The following CTIF variants were observed in gnomAD, a reference collection of about 807,000 sequenced individuals.
CTIF encodes the protein cap binding complex dependent translation initiation factor, also known as CBP80/20-dependent translation initiation factor.
A neutral mutation model predicts 66.0 loss-of-function variants in CTIF; 21 were observed. The ratio of observed to expected loss-of-function variants is 0.32; its 90% CI spans 0.23 to 0.46. CTIF has a LOEUF of 0.46. CTIF is among the 20% of genes least tolerant of loss of function. The probability of loss-of-function intolerance (pLI) is 1.00; values close to 1 mark genes in which losing one functional copy is unlikely to be tolerated. For synonymous variants in CTIF, 345 were observed against 326.4 expected, an observed-to-expected ratio of 1.06 and a Z score of -0.62; for missense variants, 739 against 812.7, an observed-to-expected ratio of 0.91 and a Z score of 1.10.
At chr18:48,644,338 C>A (rs571394490) in intron 3 of CTIF, among the ~76,000 whole-genome samples, 1 of 152,296 alleles carries the variant, frequency 6.6e-6, no homozygotes, top group South Asian at 2.1e-4. Flanking sequence ...GTGGAGAGAA[C>A]AGATGCTGAA....
At chr18:48,560,725 T>C (rs1006776410) in intron 1 of CTIF, among the ~76,000 whole-genome samples, 13 of 152,040 alleles carry the variant, frequency 8.6e-5, no homozygotes, top group South Asian at 2.1e-4. Flanking sequence ...CTCACACCAC[T>C]GTACCCCACA....
chr18:48,636,720 T>A (rs375906825), intron 3 of CTIF, 35 bp downstream of exon 3: 13 of 1,490,422 alleles, frequency 8.7e-6, no homozygotes, highest in African/African-American at 1.4e-5. Context: ...TCTGGGGGTG[T>A]CCTATGTCTT....
At chr18:48,576,087 C>T (rs771107218) in intron 1 of CTIF, among the ~76,000 whole-genome samples, 1 of 152,258 alleles carries the variant, frequency 6.6e-6, no homozygotes, top group African/African-American at 2.4e-5. Context: ...CCTCGGGCAG[C>T]GGCGCCTGTG....
At chr18:48,615,386 G>A (rs370885382) in intron 1 of CTIF, among the ~76,000 whole-genome samples, 3 of 152,136 alleles carry the variant, frequency 2.0e-5, no homozygotes, top group African/African-American at 4.8e-5. Context: ...CATGTTCCCC[G>A]CTTTTCTGAA....
At chr18:48,652,827 T>C (rs1040604492) in intron 3 of CTIF, among the ~76,000 whole-genome samples, 3 of 152,126 alleles carry the variant, frequency 2.0e-5, no homozygotes, top group Non-Finnish European at 2.9e-5. Flanking sequence ...GTTCAACATA[T>C]GCAAATCAAT....
At chr18:48,648,489 G>C in intron 3 of CTIF, among the ~76,000 whole-genome samples, 2 of 63,038 alleles carry the variant, frequency 3.2e-5, no homozygotes, top group South Asian at 1.3e-3. Flanking sequence ...ACACACACAC[G>C]CACACACACA....
intron 1 of CTIF, among the ~76,000 whole-genome samples, chr18:48,598,596 T>A (rs1317837406): frequency 1.3e-5 from 2 of 152,142 alleles, no homozygotes; most frequent in African/African-American, 4.8e-5. Context: ...CCTTTGGTAT[T>A]TGCCAGCCAG....
intron 10 of CTIF, among the ~76,000 whole-genome samples, chr18:48,831,892 T>C (rs774703562): frequency 6.6e-6 from 1 of 152,242 alleles, no homozygotes; most frequent in African/African-American, 2.4e-5. Flanking sequence ...CAATTTGGAC[T>C]CAGGCACATT....
chr18:48,823,494 A>G (rs2068524077), intron 10 of CTIF, among the ~76,000 whole-genome samples: 3 of 151,388 alleles, frequency 2.0e-5, no homozygotes, highest in African/African-American at 7.3e-5. Context: ...TTATTTTTCG[A>G]CTCTCTATTT....
At chr18:48,812,001 C>G (rs143876251) in intron 9 of CTIF, among the ~76,000 whole-genome samples, 120 of 152,314 alleles carry the variant, frequency 7.9e-4, no homozygotes, top group Non-Finnish European at 1.4e-3. Flanking sequence ...CTCACTCTGT[C>G]CCCCAGGCTG....
intron 3 of CTIF, among the ~76,000 whole-genome samples, chr18:48,659,244 G>A (rs1453947138): frequency 6.6e-6 from 1 of 152,128 alleles, no homozygotes; most frequent in East Asian, 1.9e-4. Context: ...TGTGTCCAAG[G>A]TGTTGCCCTA....
chr18:48,825,361 G>A (rs2068562803), intron 10 of CTIF, among the ~76,000 whole-genome samples: 1 of 152,210 alleles, frequency 6.6e-6, no homozygotes, highest in Admixed American at 6.5e-5. Flanking sequence ...TGCGCTCCTA[G>A]AGGAGGTGGG....
chr18:48,813,256 C>T (rs935268279), intron 9 of CTIF, among the ~76,000 whole-genome samples: 4 of 152,208 alleles, frequency 2.6e-5, no homozygotes, highest in Non-Finnish European at 4.4e-5. Flanking sequence ...TCCCTTCCTT[C>T]GAATGCCTAT....
intron 7 of CTIF, among the ~76,000 whole-genome samples, chr18:48,729,838 G>A (rs538229202): frequency 2.0e-5 from 3 of 152,240 alleles, no homozygotes; most frequent in Non-Finnish European, 4.4e-5. Flanking sequence ...TATTTTGGCA[G>A]GCATGAGGAA....
intron 7 of CTIF, among the ~76,000 whole-genome samples, chr18:48,745,172 T>A (rs1342495267): frequency 6.6e-6 from 1 of 152,214 alleles, no homozygotes; most frequent in Non-Finnish European, 1.5e-5. Flanking sequence ...GGCCTTTTTT[T>A]AAAGAGTGAC....
intron 1 of CTIF, among the ~76,000 whole-genome samples, chr18:48,557,129 C>G (rs887119277): frequency 6.6e-6 from 1 of 151,832 alleles, no homozygotes; most frequent in Non-Finnish European, 1.5e-5. Context: ...GATGGGATTG[C>G]AGAGGAGGGG....
intron 1 of CTIF, among the ~76,000 whole-genome samples, chr18:48,613,158 A>G (rs1190367191): frequency 6.6e-6 from 1 of 152,122 alleles, no homozygotes; most frequent in Non-Finnish European, 1.5e-5. Flanking sequence ...GATTGGCTAA[A>G]TTGATAGCTC....
chr18:48,619,696 A>C lies in CTIF; in HGVS notation c.131A>C (p.Lys44Thr), dbSNP rs1244609405. 3.7e-6 allele frequency: 6 copies of C among 1,607,978 alleles called. No individual in the cohort carries two copies. The highest frequency in any genetic ancestry group is 5.1e-6 in the Non-Finnish European group (6 of 1,177,502). The change falls in exon 2 of 12, where the codon AAG (lysine) becomes ACG (threonine). Residue 44 changes from lysine to threonine, a missense_variant. Lys to Thr is a moderately conservative substitution (Grantham distance 78). This residue lies in a region of CTIF where 529 missense variants were observed against 520.3 expected (regional missense o/e 1.02). Transcript: ENST00000256413. ...EYQVQGLLAD[K>T]TEGDGESERT... ...CAGGTGCAGGGGCTGCTGGCTGACA[A>C]GACGGAGGGTGATGGCGAGAGCGAG...
At chr18:48,628,196 C>T (rs1273281163) in intron 2 of CTIF, among the ~76,000 whole-genome samples, 1 of 152,096 alleles carries the variant, frequency 6.6e-6, no homozygotes, top group African/African-American at 2.4e-5. Context: ...GGGCAAAGGT[C>T]AAGAGTCCCG....
Sources: allele counts gnomAD v4.1 joint callset (sites outside exome capture counted in the v4.1 genomes callset), GRCh38; gene constraint gnomAD v4.1.1; regional missense constraint gnomAD v4.1.1; transcripts MANE v1.5; gene names NCBI Gene and HGNC (gene_info 2026-07-23, HGNC 2026-07-21).